ADAM12: variants seen among roughly 807,000 people sequenced by gnomAD.
ADAM12 encodes ADAM metallopeptidase domain 12.
Under a neutral mutation model 106.4 loss-of-function variants are expected in ADAM12, and 70 were observed. The observed-to-expected ratio is 0.66, with a 90% confidence interval of 0.54 to 0.80. The LOEUF (loss-of-function observed/expected upper bound fraction) is 0.80. ADAM12 is among the 30% of genes least tolerant of loss of function. The probability of loss-of-function intolerance (pLI) is 0.00; values close to 1 mark genes in which losing one functional copy is unlikely to be tolerated. For missense variants in ADAM12, 1,010 were observed against 1,171.9 expected, an observed-to-expected ratio of 0.86 and a Z score of 2.02; for synonymous variants, 420 against 433.5, an observed-to-expected ratio of 0.97 and a Z score of 0.39.
At chr10:126,341,175 C>T (rs186354557) in intron 1 of ADAM12, among the ~76,000 whole-genome samples, 17 of 152,262 alleles carry the variant, frequency 1.1e-4, no homozygotes, top group Admixed American at 5.9e-4. Flanking sequence ...CTTCCCGGCC[C>T]GTCATCCTTT....
intron 21 of ADAM12, among the ~76,000 whole-genome samples, chr10:126,028,360 A>T (rs976837606): frequency 6.6e-6 from 1 of 152,204 alleles, no homozygotes; most frequent in Non-Finnish European, 1.5e-5. Flanking sequence ...TAGCCAAGAC[A>T]ATCCTAAGCA....
At chr10:126,235,231 G>C (rs906093689) in intron 3 of ADAM12, among the ~76,000 whole-genome samples, 2 of 152,240 alleles carry the variant, frequency 1.3e-5, no homozygotes, top group Non-Finnish European at 2.9e-5. Context: ...CCCCAGGGAG[G>C]GACCTGGCCT....
rs181993520 is a variant in ADAM12, at chr10:126,064,683, G to A, written c.1609+123C>T. The A allele has an allele frequency of 3.8e-5, 40 of 1,046,132 alleles. No individual in the cohort carries two copies. Among genetic ancestry groups the A allele is most frequent in the East Asian group, 1.8e-4 (7 of 38,352 alleles). 64.8% of individuals were successfully genotyped at this position (1,046,132 alleles called of 1,614,324 possible). On this transcript the variant is annotated intron_variant, in intron 14 of 22. Coordinates refer to ENST00000448723, the MANE Select transcript of ADAM12 (RefSeq NM_001288973.2). The surrounding 1 kb of genome is among the most constrained non-coding windows in gnomAD (Gnocchi z 4.4). ...TCAATCACTCCCGACTGAACACACC[G>A]GATGCTGTGTGGACAGCGCCCGCCA...
At chr10:126,110,592 A>G (rs1359120670) in intron 6 of ADAM12, among the ~76,000 whole-genome samples, 1 of 152,174 alleles carries the variant, frequency 6.6e-6, no homozygotes, top group Non-Finnish European at 1.5e-5. Flanking sequence ...GACAGTTGAG[A>G]GAACATGGAA....
rs564449832 is a variant in ADAM12, at chr10:126,362,788, G to A, written c.88+25270C>T. ...TGGTTACCAAAAGTCTGGGGATGGG[G>A]GAAATGAGGAGATGATGGTTAAAGG... is the stretch of plus-strand genomic sequence containing the variant. On this transcript the variant is annotated intron_variant, in intron 1 of 22. Transcript: ENST00000448723. Among the ~76,000 whole-genome samples, 12 of 152,214 alleles carry A rather than the reference G, an allele frequency of 7.9e-5. No homozygotes were observed. In the East Asian group the frequency reaches 1.9e-3, roughly 24 times the overall value.
At chr10:126,287,273 G>A (rs1959910867) in intron 2 of ADAM12, among the ~76,000 whole-genome samples, 4 of 152,182 alleles carry the variant, frequency 2.6e-5, no homozygotes, top group Admixed American at 2.0e-4. Context: ...GGCCAATTCT[G>A]AAGCAGACGA....
chr10:126,063,960 A>G (rs1307451312), intron 14 of ADAM12, among the ~76,000 whole-genome samples: 1 of 152,220 alleles, frequency 6.6e-6, no homozygotes, highest in Non-Finnish European at 1.5e-5. Context: ...CTCCCTCTTC[A>G]GGGTGACTGT....
At chr10:126,312,926 TTTC>T (rs1428977653) in intron 2 of ADAM12, among the ~76,000 whole-genome samples, 2 of 152,196 alleles carry the variant, frequency 1.3e-5, no homozygotes, top group Non-Finnish European at 2.9e-5. Flanking sequence ...GATTTTGCAG[TTTC>T]TTCTTTTACT....
At chr10:126,205,418 T>C (rs1245856029) in intron 3 of ADAM12, among the ~76,000 whole-genome samples, 2 of 152,138 alleles carry the variant, frequency 1.3e-5, no homozygotes, top group Admixed American at 6.5e-5. Flanking sequence ...GAATACACTT[T>C]ATATAAGATG....
intron 11 of ADAM12, among the ~76,000 whole-genome samples, chr10:126,082,214 T>C (rs1357841387): frequency 6.6e-6 from 1 of 152,266 alleles, no homozygotes; most frequent in South Asian, 2.1e-4. Context: ...AGCTTTTTTC[T>C]GGCCCTTTTC....
At chr10:126,350,369 C>T (rs899334010) in intron 1 of ADAM12, among the ~76,000 whole-genome samples, 3 of 152,206 alleles carry the variant, frequency 2.0e-5, no homozygotes, top group Non-Finnish European at 4.4e-5. Flanking sequence ...CTTGAAAATA[C>T]ACACCCACAC....
intron 4 of ADAM12, among the ~76,000 whole-genome samples, chr10:126,153,795 C>G (rs891860778): frequency 1.3e-5 from 2 of 152,116 alleles, no homozygotes; most frequent in African/African-American, 4.8e-5. Context: ...TATGTCTGGG[C>G]CCATGGGAGT....
At chr10:126,381,839 G>A (rs1028477524) in intron 1 of ADAM12, among the ~76,000 whole-genome samples, 57 of 151,976 alleles carry the variant, frequency 3.8e-4, no homozygotes, top group Non-Finnish European at 3.4e-4. Context: ...GTTGGGCATG[G>A]TAGTGTGTGC....
intron 21 of ADAM12, among the ~76,000 whole-genome samples, chr10:126,026,435 A>T (rs1346737942): frequency 1.3e-5 from 2 of 152,188 alleles, no homozygotes; most frequent in East Asian, 3.9e-4. Context: ...TGGATCTGTT[A>T]TACAACTACA....
At chr10:126,136,228 G>C (rs981969841) in intron 4 of ADAM12, among the ~76,000 whole-genome samples, 1 of 152,128 alleles carries the variant, frequency 6.6e-6, no homozygotes, top group African/African-American at 2.4e-5. Flanking sequence ...AAAAGTTCCC[G>C]TGTGTCATGC....
At chr10:126,365,282 T>C (rs1205931065) in intron 1 of ADAM12, among the ~76,000 whole-genome samples, 2 of 152,172 alleles carry the variant, frequency 1.3e-5, no homozygotes, top group Admixed American at 1.3e-4. Context: ...GGAAAGTTTG[T>C]TTAATAGACT....
intron 1 of ADAM12, among the ~76,000 whole-genome samples, chr10:126,347,066 T>G (rs1855168434): frequency 6.6e-6 from 1 of 152,232 alleles, no homozygotes; most frequent in Admixed American, 6.5e-5. Context: ...CCTGTCATTA[T>G]GATGATAGCT....
intron 1 of ADAM12, among the ~76,000 whole-genome samples, chr10:126,359,106 G>A (rs1227863450): frequency 2.6e-5 from 4 of 152,078 alleles, no homozygotes; most frequent in African/African-American, 9.7e-5. Context: ...TATCTCACGA[G>A]ACTTATTCAC....
chr10:126,150,206 T>A (rs1489945924), intron 4 of ADAM12, among the ~76,000 whole-genome samples: 1 of 152,224 alleles, frequency 6.6e-6, no homozygotes, highest in Non-Finnish European at 1.5e-5. Context: ...AATAACTATT[T>A]ACACTGTGGA....
Sources: allele counts gnomAD v4.1 joint callset (sites outside exome capture counted in the v4.1 genomes callset), GRCh38; gene constraint gnomAD v4.1.1; non-coding constraint Gnocchi (gnomAD v3.1); transcripts MANE v1.5; gene names NCBI Gene and HGNC (gene_info 2026-07-23, HGNC 2026-07-21).